PLEKHH1: variants seen among roughly 807,000 people sequenced by gnomAD.
The protein encoded by PLEKHH1 is pleckstrin homology domain-containing family H member 1.
A neutral mutation model predicts 160.0 loss-of-function variants in PLEKHH1; 104 were observed. That is an observed-to-expected ratio of 0.65 (90% confidence interval 0.55 to 0.76). PLEKHH1 has a LOEUF of 0.76. PLEKHH1 is among the 30% of genes least tolerant of loss of function. The pLI is 0.00. For synonymous variants in PLEKHH1, 619 were observed against 678.4 expected (o/e 0.91, Z 1.36); for missense variants, 1,427 against 1,724.1 (o/e 0.83, Z 3.05).
intron 1 of PLEKHH1, among the ~76,000 whole-genome samples, chr14:67,537,027 G>A (rs4899208): frequency 0.084 from 12,668 of 150,338 alleles, 629 homozygotes; most frequent in East Asian, 0.13. Context: ...GTGACAGAGC[G>A]AGACTCCATC....
chr14:67,534,521 G>A (rs1038855374), intron 1 of PLEKHH1, among the ~76,000 whole-genome samples: 8 of 152,082 alleles, frequency 5.3e-5, no homozygotes, highest in African/African-American at 9.7e-5. Flanking sequence ...AAATTGTTGT[G>A]ATATGCCCAT....
rs2036034536 is a variant in PLEKHH1, at chr14:67,584,107, A to G, written c.3682A>G (p.Lys1228Glu). The part of the protein sequence containing the change: ...VARKWPFFGA[K>E]LFAAQPAQLS... ...CAGGAAATGGCCTTTCTTTGGTGCT[A>G]AACTTTTTGCTGCTCAGGTAAGTGC... The change falls in exon 26 of 29, where the codon AAA becomes GAA. Residue 1228 changes from lysine to glutamate, a missense_variant. Transcript: ENST00000329153. 6.2e-7 allele frequency: 1 copy of G among 1,613,678 alleles called. No individual in the cohort carries two copies. Among genetic ancestry groups the G allele is most frequent in the Non-Finnish European group, 8.5e-7 (1 of 1,179,864 alleles).
chr14:67,570,722 C>T (rs1242583442), intron 9 of PLEKHH1: 1 of 152,204 alleles, frequency 6.6e-6, no homozygotes, highest in Non-Finnish European at 1.5e-5. Context: ...TCCTTCCCTA[C>T]CTCCTCCTTT....
At chr14:67,575,538 A>G (rs4902490) in intron 15 of PLEKHH1, 66 bp downstream of exon 15, 572,062 of 993,334 alleles carry the variant, frequency 0.58, 168,532 homozygotes, top group Non-Finnish European at 0.61. Flanking sequence ...CTGCCACTCT[A>G]TGTCCTGATG....
At chr14:67,563,043 C>CCA (rs2034915764) in intron 7 of PLEKHH1, 149 bp downstream of exon 7, 1 of 752,492 alleles carries the variant, frequency 1.3e-6, no homozygotes, top group South Asian at 1.9e-5. Flanking sequence ...CCTGTGCAGA[C>CCA]CACACAACCA....
chr14:67,566,671 C>T (rs1294553063), intron 7 of PLEKHH1, among the ~76,000 whole-genome samples: 2 of 151,432 alleles, frequency 1.3e-5, no homozygotes, highest in Admixed American at 6.6e-5. Flanking sequence ...AAGTTTGAGC[C>T]CAGGGAGGTG....
At position 67,537,737 on chromosome 14, in the gene PLEKHH1, G is replaced by A. The variant is rs898349312; in HGVS notation, c.-34-4097G>A. Among the ~76,000 whole-genome samples the A allele has an allele frequency of 5.9e-5, 9 of 152,306 alleles. No homozygotes were observed. In the East Asian group the frequency reaches 1.7e-3, roughly 29 times the overall value. ...TCAAAATCCTCAAACTTGCCAGAGA[G>A]ATCCCAGGTCAAATTTGTGTTTTCT... On this transcript the variant is annotated intron_variant, in intron 1 of 28. Transcript: ENST00000329153.
intron 2 of PLEKHH1, among the ~76,000 whole-genome samples, chr14:67,542,504 A>C (rs1177343642): frequency 1.3e-5 from 2 of 152,194 alleles, no homozygotes; most frequent in Non-Finnish European, 1.5e-5. Context: ...AGGCAAAAAA[A>C]CACAAATGTC....
At chr14:67,586,908 T>C (rs1010857082) in intron 28 of PLEKHH1, 166 bp from the exon 29 acceptor site, 2 of 1,535,500 alleles carry the variant, frequency 1.3e-6, no homozygotes, top group South Asian at 2.4e-5. Flanking sequence ...ACTGGGCCTC[T>C]GAACAGCACA....
Position 67,569,906 on chromosome 14 carries a change from C to T in PLEKHH1, c.1343-15C>T, listed in dbSNP as rs1168376345. 6.4e-7 allele frequency: 1 copy of T among 1,565,268 alleles called. No individual in the cohort carries two copies. Among genetic ancestry groups the T allele is most frequent in the Non-Finnish European group, 8.8e-7 (1 of 1,140,364 alleles). On this transcript the variant is annotated splice_polypyrimidine_tract_variant and intron_variant, in intron 8 of 28. Transcript: ENST00000329153. ...TATGCCCTTGAGTAATCTCATTCCT[C>T]TCTTCCCTGCTCAGCTTCAAGCCCT...
chr14:67,566,965 G>C (rs1413835876), intron 7 of PLEKHH1, among the ~76,000 whole-genome samples: 2 of 152,160 alleles, frequency 1.3e-5, no homozygotes, highest in East Asian at 3.8e-4. Context: ...TTAAGGGGCA[G>C]CGTCAGGTCT....
chr14:67,579,453 A>T, intron 21 of PLEKHH1, 142 bp downstream of exon 21: 1 of 745,174 alleles, frequency 1.3e-6, no homozygotes. Context: ...ATGAACAGGG[A>T]AGCTGAGATG....
At position 67,589,543 on chromosome 14, in the gene PLEKHH1, T is replaced by C. The variant is rs2036303218; in HGVS notation, c.*2308T>C. ...GCTATCTGTGAACCAGGTAACTGTG[T>C]GTTTTGGAAGATCTGTTTATTAACA... On this transcript the variant is annotated 3_prime_UTR_variant, in exon 29 of 29. Transcript: ENST00000329153. 1 of 985,334 alleles carries C rather than the reference T, an allele frequency of 1.0e-6. No individual in the cohort carries two copies. Among genetic ancestry groups the C allele is most frequent in the Admixed American group, 6.1e-5 (1 of 16,268 alleles). 61.0% of individuals were successfully genotyped at this position (985,334 alleles called of 1,614,324 possible).
rs2035974206 is a variant in PLEKHH1, at chr14:67,582,978, G to A, written c.3427-763G>A. 6.6e-6 allele frequency among the ~76,000 whole-genome samples: 1 copy of A among 152,164 alleles called. No homozygotes were observed. Among genetic ancestry groups the A allele is most frequent in the African/African-American group, 2.4e-5 (1 of 41,436 alleles). On this transcript the variant is annotated intron_variant, in intron 24 of 28. Transcript: ENST00000329153. This position sits in a 1 kb window ranked among gnomAD's most constrained non-coding sequence, Gnocchi z 5.0. ...CATCAGACCTTCTAAGTAGACTTAG[G>A]AAGAGGAACACACATTCAGACTTGG...
intron 3 of PLEKHH1, 74 bp from the exon 4 acceptor site, chr14:67,557,195 C>T: frequency 7.7e-7 from 1 of 1,291,036 alleles, no homozygotes; most frequent in Non-Finnish European, 1.1e-6. Flanking sequence ...GACGGTGTCC[C>T]ATCCCACGTT....
rs2035742411 is a variant in PLEKHH1, at chr14:67,578,653, C to T, written c.2849+22C>T. 2 of 1,482,498 alleles carry T rather than the reference C, an allele frequency of 1.3e-6. No homozygotes were observed. The highest frequency in any genetic ancestry group is 4.7e-5 in the East Asian group (2 of 42,210). The allele number at this position is 1,482,498 out of a possible 1,614,324, so 91.8% of individuals were successfully genotyped here. Reference sequence around the variant, plus strand: ...CCAGGTGAGTGAACCTGGCCGTTTCCTCTGCCACTTGAGCACTGCCAACTG... The same window carrying T: ...CCAGGTGAGTGAACCTGGCCGTTTCTTCTGCCACTTGAGCACTGCCAACTG... On this transcript the variant is annotated intron_variant, in intron 20 of 28. Transcript: ENST00000329153. The surrounding 1 kb of genome is among the most constrained non-coding windows in gnomAD (Gnocchi z 5.0).
At position 67,573,397 on chromosome 14, in the gene PLEKHH1, C is replaced by G; in HGVS notation, c.1839+11C>G. On this transcript the variant is annotated intron_variant, in intron 12 of 28. Coordinates refer to ENST00000329153, the MANE Select transcript of PLEKHH1 (RefSeq NM_020715.3). The surrounding 1 kb of genome is among the most constrained non-coding windows in gnomAD (Gnocchi z 4.8). ...TACTACAAGTCCCCGGTGAGAGTCT[C>G]CCCGCCCAGCACTGCAGTCAAAAGG... The G allele has an allele frequency of 6.7e-7, 1 of 1,490,674 alleles. No individual in the cohort carries two copies. The highest frequency in any genetic ancestry group is 9.4e-7 in the Non-Finnish European group (1 of 1,067,586). 92.3% of individuals were successfully genotyped at this position (1,490,674 alleles called of 1,614,324 possible). A position where few individuals can be genotyped will look rare whatever the true frequency, so the allele number is the denominator to read the frequency against.
rs773024789 is a variant in PLEKHH1 at position 67,573,792 on chromosome 14, T to C, written c.1840-9T>C. ...TCAGTGGCTCTCCTCTCCAATACTT[T>C]CTTTACAGAGTGATGTCATCCGGAA... On this transcript the variant is annotated splice_polypyrimidine_tract_variant and intron_variant, in intron 12 of 28. Transcript: ENST00000329153. This position sits in a 1 kb window ranked among gnomAD's most constrained non-coding sequence, Gnocchi z 4.8. 3.1e-6 allele frequency: 5 copies of C among 1,598,792 alleles called. No individual in the cohort carries two copies. The African/African-American group carries it at 4.0e-5, about 13-fold the overall frequency.
At position 67,578,031 on chromosome 14, in the gene PLEKHH1, G is replaced by C. The variant is rs947120764; in HGVS notation, c.2583G>C (p.Gln861His). The change falls in exon 19 of 29, where the codon CAG becomes CAC. Residue 861 changes from glutamine to histidine, a missense_variant. By Grantham distance (24) the Gln-to-His change is conservative (BLOSUM62 0). This residue lies in a region of PLEKHH1 where 436 missense variants were observed against 607.5 expected (regional missense o/e 0.72). Coordinates refer to ENST00000329153, the MANE Select transcript of PLEKHH1 (RefSeq NM_020715.3). The surrounding 1 kb of genome is among the most constrained non-coding windows in gnomAD (Gnocchi z 5.0). ...TEALKLFKSC[Q>H]LFINVPVEAA... ...CTGCTGTTCCCTCCCAGTCCTGCCA[G>C]CTCTTCATCAACGTGCCGGTGGAAG... is the stretch of plus-strand genomic sequence containing the variant. 1 of 1,613,378 alleles carries C rather than the reference G, an allele frequency of 6.2e-7. No homozygotes were observed. Among genetic ancestry groups the C allele is most frequent in the Non-Finnish European group, 8.5e-7 (1 of 1,179,728 alleles).
Sources: allele counts gnomAD v4.1 joint callset (sites outside exome capture counted in the v4.1 genomes callset), GRCh38; gene constraint gnomAD v4.1.1; regional missense constraint gnomAD v4.1.1; non-coding constraint Gnocchi (gnomAD v3.1); transcripts MANE v1.5; gene names NCBI Gene and HGNC (gene_info 2026-07-23, HGNC 2026-07-21).